The following LCORL variants were observed in gnomAD, a reference collection of about 807,000 sequenced individuals.
The protein encoded by LCORL is ligand dependent nuclear receptor corepressor like.
LCORL carries 41 observed loss-of-function variants against 141.8 expected under a neutral mutation model. The ratio of observed to expected loss-of-function variants is 0.29; its 90% CI spans 0.23 to 0.38. The LOEUF (loss-of-function observed/expected upper bound fraction) is 0.38. Ranked by LOEUF, LCORL falls within the 10% of genes least tolerant of loss-of-function variation. The pLI is 1.00. For missense variants in LCORL, 1,759 were observed against 2,035.0 expected (o/e 0.86, Z 2.61); for synonymous variants, 618 against 694.1 (o/e 0.89, Z 1.72).
chr4:17,874,172 C>T, exon 7 of LCORL: 1 of 1,233,998 alleles, frequency 8.1e-7, no homozygotes, highest in Non-Finnish European at 1.0e-6. Context: ...CTCTTTTCCA[C>T]CTTTCATGAT....
intron 1 of LCORL, among the ~76,000 whole-genome samples, chr4:18,017,430 C>T (rs1271303707): frequency 6.6e-6 from 1 of 152,018 alleles, no homozygotes; most frequent in Non-Finnish European, 1.5e-5. Context: ...ATGAGGAATA[C>T]CAGCTTAACA....
intron 5 of LCORL, among the ~76,000 whole-genome samples, chr4:17,896,872 C>G (rs1233984303): frequency 6.6e-6 from 1 of 151,968 alleles, no homozygotes; most frequent in Non-Finnish European, 1.5e-5. Flanking sequence ...TTACCCCACC[C>G]CCCACTATCC....
chr4:17,847,006 C>G (rs924805854), intron 7 of LCORL, among the ~76,000 whole-genome samples: 1 of 152,174 alleles, frequency 6.6e-6, no homozygotes, highest in Non-Finnish European at 1.5e-5. Flanking sequence ...ATTCAATAAA[C>G]ATTTATAAAA....
At chr4:17,938,617 T>C (rs1283601946) in intron 4 of LCORL, among the ~76,000 whole-genome samples, 1 of 151,778 alleles carries the variant, frequency 6.6e-6, no homozygotes, top group Non-Finnish European at 1.5e-5. Flanking sequence ...GGTTTCTCCA[T>C]GTTGAGGCTG....
intron 4 of LCORL, chr4:17,912,501 G>T (rs533455256): frequency 2.2e-5 from 11 of 501,716 alleles, no homozygotes; most frequent in African/African-American, 1.9e-4. Context: ...AACTAGACAG[G>T]TTACTGGTCT....
intron 4 of LCORL, among the ~76,000 whole-genome samples, chr4:17,930,832 A>C (rs1735919521): frequency 6.6e-6 from 1 of 152,214 alleles, no homozygotes; most frequent in Admixed American, 6.5e-5. Context: ...ATTTTTATCT[A>C]GATTAATACC....
At chr4:17,872,284 A>G (rs1270575016) in intron 7 of LCORL, among the ~76,000 whole-genome samples, 2 of 152,078 alleles carry the variant, frequency 1.3e-5, no homozygotes, top group African/African-American at 4.8e-5. Flanking sequence ...TGGCAACTAT[A>G]GTGTTCCTAT....
At chr4:17,919,061 G>A (rs1733900679) in intron 4 of LCORL, among the ~76,000 whole-genome samples, 1 of 149,094 alleles carries the variant, frequency 6.7e-6, no homozygotes, top group Admixed American at 6.7e-5. Flanking sequence ...AGAAATGAAA[G>A]AAGATATATC....
rs2109924544 is a variant in LCORL at position 18,021,461 on chromosome 4, C to A, written c.154+137G>T. ...AAAGGCGAGCGCCGGGGCCGCCGCG[C>A]CGCGCCGCTCCCATCTCGCTCCCCC... On this transcript the variant is annotated intron_variant, in intron 1 of 7. Coordinates refer to ENST00000635767, the Ensembl canonical transcript of LCORL. This position sits in a 1 kb window ranked among gnomAD's most constrained non-coding sequence, Gnocchi z 5.5. The A allele has an allele frequency of 1.4e-6, 1 of 699,322 alleles. No homozygotes were observed. The highest frequency in any genetic ancestry group is 3.4e-5 in the East Asian group (1 of 29,192). 43.3% of individuals were successfully genotyped at this position (699,322 alleles called of 1,614,324 possible).
At chr4:17,979,656 T>C (rs1179381280) in intron 1 of LCORL, among the ~76,000 whole-genome samples, 3 of 152,210 alleles carry the variant, frequency 2.0e-5, no homozygotes, top group Non-Finnish European at 4.4e-5. Flanking sequence ...GCCCTGTTTC[T>C]TCATGCAATT....
chr4:17,948,021 G>A (rs1286205008), intron 4 of LCORL, among the ~76,000 whole-genome samples: 1 of 151,966 alleles, frequency 6.6e-6, no homozygotes, highest in Non-Finnish European at 1.5e-5. Flanking sequence ...CAAAAACACT[G>A]AAGTACACAT....
chr4:17,890,563 A>C (rs1248217647), intron 5 of LCORL, among the ~76,000 whole-genome samples: 1 of 152,082 alleles, frequency 6.6e-6, no homozygotes, highest in Non-Finnish European at 1.5e-5. Context: ...CTGTATATTC[A>C]AAATTTTTAC....
At chr4:17,971,577 T>C (rs1017051988) in intron 2 of LCORL, among the ~76,000 whole-genome samples, 7 of 151,746 alleles carry the variant, frequency 4.6e-5, no homozygotes, top group African/African-American at 1.7e-4. Context: ...TGTAGTTATG[T>C]GTTTTTTTTT....
At chr4:17,988,443 A>AT (rs1471035518) in intron 1 of LCORL, among the ~76,000 whole-genome samples, 1 of 151,562 alleles carries the variant, frequency 6.6e-6, no homozygotes, top group African/African-American at 2.4e-5. Flanking sequence ...TTATTTTTTT[A>AT]TTTTATTTTA....
chr4:17,871,090 A>T (rs933172824), intron 7 of LCORL, among the ~76,000 whole-genome samples: 1 of 152,090 alleles, frequency 6.6e-6, no homozygotes, highest in African/African-American at 2.4e-5. Flanking sequence ...CACATATAAA[A>T]CTAATAATGA....
intron 1 of LCORL, among the ~76,000 whole-genome samples, chr4:17,979,393 T>A (rs137975450): frequency 1.3e-5 from 2 of 152,326 alleles, no homozygotes; most frequent in East Asian, 3.9e-4. Flanking sequence ...TACTTCCTCA[T>A]GCACAGAGGT....
intron 1 of LCORL, among the ~76,000 whole-genome samples, chr4:17,985,051 T>C (rs771514388): frequency 6.6e-6 from 1 of 152,152 alleles, no homozygotes; most frequent in Non-Finnish European, 1.5e-5. Context: ...GAGCACGTTG[T>C]TTAATTTTCA....
exon 7 of LCORL, chr4:17,876,151 C>T: frequency 8.1e-7 from 1 of 1,230,762 alleles, no homozygotes; most frequent in Non-Finnish European, 1.0e-6. Flanking sequence ...CTTTCAGTAC[C>T]TTCATATTTT....
At chr4:17,937,547 G>A (rs1053854993) in intron 4 of LCORL, among the ~76,000 whole-genome samples, 10 of 152,016 alleles carry the variant, frequency 6.6e-5, no homozygotes, top group African/African-American at 1.9e-4. Flanking sequence ...TTCCCTTACC[G>A]AAACCTCCTG....
Sources: allele counts gnomAD v4.1 joint callset (sites outside exome capture counted in the v4.1 genomes callset), GRCh38; gene constraint gnomAD v4.1.1; non-coding constraint Gnocchi (gnomAD v3.1); transcripts MANE v1.5; gene names NCBI Gene and HGNC (gene_info 2026-07-23, HGNC 2026-07-21).